DOCK1: variants seen among roughly 807,000 people sequenced by gnomAD.
DOCK1 encodes the protein dedicator of cytokinesis 1.
A neutral mutation model predicts 262.7 loss-of-function variants in DOCK1; 138 were observed. The observed-to-expected ratio is 0.53, with a 90% confidence interval of 0.46 to 0.61. The LOEUF (loss-of-function observed/expected upper bound fraction) is 0.61. Ranked by LOEUF, DOCK1 falls within the 20% of genes least tolerant of loss-of-function variation. DOCK1 has a pLI of 0.00. For missense variants in DOCK1, 1,908 were observed against 2,370.7 expected (o/e 0.80, Z 4.05); for synonymous variants, 866 against 867.4 (o/e 1.00, Z 0.03).
In DOCK1 at chr10:127,400,502, G is replaced by A. The variant is rs186607886; in HGVS notation, c.3928-2553G>A. ...TGGAAGTGCTGCTATGTGGCCATCA[G>A]GAGCAAGGACTTTCAAAAAGGCCAC... On this transcript the variant is annotated intron_variant, in intron 38 of 51. Coordinates refer to ENST00000623213, the MANE Select transcript of DOCK1 (RefSeq NM_001290223.2). Among the ~76,000 whole-genome samples, 382 of 152,342 alleles carry A rather than the reference G, an allele frequency of 2.5e-3. 5 individuals carry two copies. The highest frequency in any genetic ancestry group is 6.8e-3 in the Middle Eastern group (2 of 294).
intron 23 of DOCK1, among the ~76,000 whole-genome samples, chr10:127,063,380 G>T (rs1174169735): frequency 3.3e-5 from 5 of 152,196 alleles, no homozygotes; most frequent in African/African-American, 1.2e-4. Context: ...ACCAGCATAA[G>T]TAGACATGAA....
At chr10:127,148,617 G>C (rs1391566571) in intron 27 of DOCK1, among the ~76,000 whole-genome samples, 1 of 152,158 alleles carries the variant, frequency 6.6e-6, no homozygotes, top group Non-Finnish European at 1.5e-5. Context: ...CCGAACAAAA[G>C]CTGAATCATC....
intron 27 of DOCK1, among the ~76,000 whole-genome samples, chr10:127,164,608 A>G (rs2053916388): frequency 6.6e-6 from 1 of 152,218 alleles, no homozygotes; most frequent in Non-Finnish European, 1.5e-5. Flanking sequence ...AGACATTATT[A>G]TTGTCAGAAA....
At chr10:126,971,093 C>T (rs1222127061) in intron 2 of DOCK1, among the ~76,000 whole-genome samples, 2 of 150,884 alleles carry the variant, frequency 1.3e-5, no homozygotes, top group African/African-American at 4.9e-5. Flanking sequence ...CTCTGTCGCA[C>T]AGGCTGGAGT....
At chr10:127,338,103 C>T (rs1241061284) in intron 29 of DOCK1, among the ~76,000 whole-genome samples, 3 of 152,196 alleles carry the variant, frequency 2.0e-5, no homozygotes, top group Non-Finnish European at 4.4e-5. Flanking sequence ...TTCCCTTCTA[C>T]TCTGGCTGCT....
Position 126,919,867 on chromosome 10 carries a change from A to C in DOCK1, c.46+14304A>C, listed in dbSNP as rs560993345. On this transcript the variant is annotated intron_variant, in intron 1 of 51. Transcript: ENST00000623213. The stretch of plus-strand genomic sequence containing the variant: ...TGTGGTCCCTGGCACACCTTGCCGT[A>C]CATTGAATGAAGGCAAAGGGAGAGA... 6.6e-5 allele frequency among the ~76,000 whole-genome samples: 10 copies of C among 152,328 alleles called. No individual in the cohort carries two copies. In the South Asian group the frequency reaches 1.9e-3, roughly 28 times the overall value.
In DOCK1 at chr10:127,339,064, C is replaced by G; in HGVS notation, c.3103C>G (p.Gln1035Glu). 1.3e-6 allele frequency: 2 copies of G among 1,577,222 alleles called. No individual in the cohort carries two copies. Among genetic ancestry groups the G allele is most frequent in the Non-Finnish European group, 1.7e-6 (2 of 1,160,856 alleles). Residue 1035 changes from glutamine to glutamate, a missense_variant, in exon 30 of 52, where the codon CAA becomes GAA. Physicochemically the swap from Gln to Glu is conservative, Grantham distance 29 (BLOSUM62 2). Transcript: ENST00000623213. Reference sequence around the variant, plus strand: ...TATGCTGAACAAAAAATTTCTGGATCAAGCCAACTTTGAGCTACAGGTAAG... The same window carrying G: ...TATGCTGAACAAAAAATTTCTGGATGAAGCCAACTTTGAGCTACAGGTAAG... Reference protein sequence around the residue: ...ADMLNKKFLDQANFELQLWNN... With the variant: ...ADMLNKKFLDEANFELQLWNN...
At chr10:127,365,090 T>C (rs113855572) in intron 33 of DOCK1, among the ~76,000 whole-genome samples, 1,538 of 152,300 alleles carry the variant, frequency 0.01, 22 homozygotes, top group African/African-American at 0.035. Context: ...ATCAAGGAGC[T>C]TTCCCTTAAT....
At chr10:127,377,823 C>T (rs1211656463) in intron 35 of DOCK1, among the ~76,000 whole-genome samples, 5 of 142,414 alleles carry the variant, frequency 3.5e-5, no homozygotes, top group African/African-American at 1.1e-4. Flanking sequence ...ACTCGGGAGG[C>T]GGAGGTTGCA....
intron 33 of DOCK1, among the ~76,000 whole-genome samples, chr10:127,362,746 A>G (rs2064538302): frequency 6.6e-6 from 1 of 152,088 alleles, no homozygotes; most frequent in Non-Finnish European, 1.5e-5. Flanking sequence ...TGCATAACTT[A>G]TGCTCAAGAA....
In DOCK1 at chr10:126,950,048, T is replaced by G. The variant is rs1302145969; in HGVS notation, c.47-20654T>G. The stretch of plus-strand genomic sequence containing the variant: ...TTGAGGAGCCATCTAACATCCTCTC[T>G]AAGCCTCATTTTTTTTTTCCATTTG... On this transcript the variant is annotated intron_variant, in intron 1 of 51. Transcript: ENST00000623213. Among the ~76,000 whole-genome samples, 3 of 139,212 alleles carry G rather than the reference T, an allele frequency of 2.2e-5. No homozygotes were observed. In the Admixed American group the frequency reaches 2.2e-4, roughly 10 times the overall value. 91.3% of individuals were successfully genotyped at this position (139,212 alleles called of 152,430 possible).
chr10:127,418,050 G>A (rs1443414822), intron 44 of DOCK1, among the ~76,000 whole-genome samples: 1 of 152,094 alleles, frequency 6.6e-6, no homozygotes, highest in Non-Finnish European at 1.5e-5. Flanking sequence ...GATTGGAAGT[G>A]TCTGTTCTGA....
intron 1 of DOCK1, among the ~76,000 whole-genome samples, chr10:126,962,399 T>C (rs2037300097): frequency 1.3e-5 from 2 of 152,224 alleles, no homozygotes; most frequent in African/African-American, 4.8e-5. Flanking sequence ...CCTCAGGTGA[T>C]CCACCCACCT....
chr10:126,984,658 CG>C (rs1316599447), intron 4 of DOCK1, among the ~76,000 whole-genome samples: 1 of 151,846 alleles, frequency 6.6e-6, no homozygotes, highest in Non-Finnish European at 1.5e-5. Context: ...TGTGAGCCAC[CG>C]CACCCGGCCA....
rs1347228848 is a variant in DOCK1, at chr10:127,175,813, G to A, written c.2847+48049G>A. 6.2e-6 allele frequency: 10 copies of A among 1,614,086 alleles called. No homozygotes were observed. Among genetic ancestry groups the A allele is most frequent in the Non-Finnish European group, 7.6e-6 (9 of 1,180,018 alleles). On this transcript the variant is annotated intron_variant, in intron 27 of 51. Transcript: ENST00000623213. This position sits in a 1 kb window ranked among gnomAD's most constrained non-coding sequence, Gnocchi z 6.3. Reference sequence around the variant, plus strand: ...CTGAGCGGCTCCGGGCTTTTACAGGGCTCTGTGCAGTTGACCCCCAAAGGC... The same window carrying A: ...CTGAGCGGCTCCGGGCTTTTACAGGACTCTGTGCAGTTGACCCCCAAAGGC...
chr10:126,998,278 T>C, intron 8 of DOCK1, 29 bp downstream of exon 8: 1 of 1,612,888 alleles, frequency 6.2e-7, no homozygotes, highest in South Asian at 1.1e-5. Flanking sequence ...CTGCCGTCTT[T>C]CCTCTTTGGT....
intron 47 of DOCK1, among the ~76,000 whole-genome samples, chr10:127,427,791 C>T (rs558524351): frequency 6.6e-6 from 1 of 152,220 alleles, no homozygotes; most frequent in Non-Finnish European, 1.5e-5. Flanking sequence ...CCAGTCTCCC[C>T]GCCTCTGCCG....
chr10:127,373,720 C>G (rs1352811285), intron 33 of DOCK1, 61 bp from the exon 34 acceptor site: 1 of 1,444,256 alleles, frequency 6.9e-7, no homozygotes, highest in African/African-American at 1.4e-5. Context: ...TATTGACACT[C>G]AAGTCATAAA....
Position 127,000,270 on chromosome 10 carries a change from A to G in DOCK1, c.948A>G (p.Lys316=). The change falls in exon 10 of 52, where the codon AAA becomes AAG. Residue 316 remains lysine (K), a synonymous_variant. Transcript: ENST00000623213. ...RMELRDNNTR[K]LTSGLRRPFG... ...AGCTGAGGGACAACAACACCAGGAA[A>G]CTGACCTCGGGGTTGCGGCGACCTT... 1 of 1,614,008 alleles carries G rather than the reference A, an allele frequency of 6.2e-7. No individual in the cohort carries two copies. Among genetic ancestry groups the G allele is most frequent in the South Asian group, 1.1e-5 (1 of 91,076 alleles).
Sources: allele counts gnomAD v4.1 joint callset (sites outside exome capture counted in the v4.1 genomes callset), GRCh38; gene constraint gnomAD v4.1.1; non-coding constraint Gnocchi (gnomAD v3.1); transcripts MANE v1.5; gene names NCBI Gene and HGNC (gene_info 2026-07-23, HGNC 2026-07-21).